DNAJC9: variants seen among roughly 807,000 people sequenced by gnomAD.
DNAJC9 encodes dnaJ homolog subfamily C member 9.
A neutral mutation model predicts 32.4 loss-of-function variants in DNAJC9; 18 were observed. That is an observed-to-expected ratio of 0.56 (90% CI 0.38 to 0.82). The LOEUF (loss-of-function observed/expected upper bound fraction) is 0.82. DNAJC9 is among the 40% of genes least tolerant of loss of function. The pLI, the probability that DNAJC9 is intolerant of heterozygous loss-of-function variation, is 0.00. For missense variants in DNAJC9, 310 were observed against 321.8 expected, an observed-to-expected ratio of 0.96 and a Z score of 0.28; for synonymous variants, 113 against 122.1, an observed-to-expected ratio of 0.93 and a Z score of 0.49.
chr10:73,243,172 G>A lies in DNAJC9; in HGVS notation c.*228C>T. The A allele has an allele frequency of 2.0e-6, 1 of 493,316 alleles. No individual in the cohort carries two copies. Among genetic ancestry groups the A allele is most frequent in the Non-Finnish European group, 3.6e-6 (1 of 276,158 alleles). 30.6% of individuals were successfully genotyped at this position (493,316 alleles called of 1,614,324 possible). On this transcript the variant is annotated 3_prime_UTR_variant, in exon 5 of 5. Coordinates refer to ENST00000372950, the MANE Select transcript of DNAJC9 (RefSeq NM_015190.5). ...ACTGCCTCCCTCCACCCTCCCAAAT[G>A]TCACCACCAAGTTCCTTCAGGTGAG...
In DNAJC9 at chr10:73,233,037, T is replaced by C. The variant is rs1408213654; in HGVS notation, n.147+10806A>G. 4 of 1,551,770 alleles carry C rather than the reference T, an allele frequency of 2.6e-6. No individual in the cohort carries two copies. The East Asian group carries it at 9.8e-5, about 38-fold the overall frequency. On this transcript the variant is annotated intron_variant and non_coding_transcript_variant, in intron 2 of 2. Transcript: ENST00000469143. ...GCTGTGGAGTTTAGTACATCATCTC[T>C]GTCATACACAGTGCAGTCCACCAGG...
chr10:73,234,976 C>T (rs185843840), downstream of DNAJC9: 395 of 1,548,122 alleles, frequency 2.6e-4, 1 homozygote, highest in East Asian at 4.4e-4. Flanking sequence ...CATGTACTTA[C>T]CATACAACCT....
At chr10:73,241,179 A>G (rs3763725), downstream of DNAJC9, 56,771 of 598,680 alleles carry the variant, frequency 0.095, 4,415 homozygotes, top group East Asian at 0.29. Flanking sequence ...ACACCATAGC[A>G]GCCAAAAATG....
At chr10:73,234,820 AG>A (rs1367697410), downstream of DNAJC9, 1 of 1,551,518 alleles carries the variant, frequency 6.4e-7, no homozygotes, top group South Asian at 1.2e-5. Flanking sequence ...TCTGCAGCCC[AG>A]TGGCACCCGA....
chr10:73,246,006 C>T lies in DNAJC9; in HGVS notation c.492G>A (p.Gln164=), dbSNP rs201411206. 6 of 1,613,672 alleles carry T rather than the reference C, an allele frequency of 3.7e-6. No individual in the cohort carries two copies. The South Asian group carries it at 6.6e-5, about 18-fold the overall frequency. The part of the protein sequence containing the change: ...TEEPRIRNII[Q]QAIDAGEVPS... ...GGACCTCTCCGGCGTCAATAGCTTG[C>T]TGAATGATATTCCTTATCCTGGGTT... is the stretch of plus-strand genomic sequence containing the variant. The change falls in exon 3 of 5, where the codon CAG becomes CAA. Residue 164 remains glutamine (Q), a synonymous_variant. Coordinates refer to ENST00000372950, the MANE Select transcript of DNAJC9 (RefSeq NM_015190.5).
At chr10:73,240,644 A>G (rs2043925606), downstream of DNAJC9, among the ~76,000 whole-genome samples, 3 of 151,718 alleles carry the variant, frequency 2.0e-5, no homozygotes, top group Non-Finnish European at 2.9e-5. Flanking sequence ...CCTGGGAGGC[A>G]GAGCTTGCAG....
At chr10:73,236,834 G>A (rs2043834452), downstream of DNAJC9, among the ~76,000 whole-genome samples, 1 of 151,254 alleles carries the variant, frequency 6.6e-6, no homozygotes, top group African/African-American at 2.4e-5. Flanking sequence ...TCTCACCTCA[G>A]CCTCCTGAGT....
In DNAJC9 at chr10:73,247,029, T is replaced by A; in HGVS notation, c.161A>T (p.Asp54Val). ...GCATACCTGGAAGCGGCGGGTGGCG[T>A]CCTCCTTGTCGCCCTCACCCACCCG... ...PDRVGEGDKE[D>V]ATRRFQILGK... Residue 54 changes from aspartate (D) to valine (V), a missense_variant, in exon 1 of 5, where the codon GAC becomes GTC. Physicochemically the swap from Asp to Val is radical, Grantham distance 152. Coordinates refer to ENST00000372950, the MANE Select transcript of DNAJC9 (RefSeq NM_015190.5). 6.6e-7 allele frequency: 1 copy of A among 1,523,928 alleles called. No individual in the cohort carries two copies. The highest frequency in any genetic ancestry group is 1.4e-5 in the African/African-American group (1 of 73,220). The allele number at this position is 1,523,928 out of a possible 1,614,324, so 94.4% of individuals were successfully genotyped here. A position where few individuals can be genotyped will look rare whatever the true frequency, so the allele number is the denominator to read the frequency against.
chr10:73,232,642 T>G (rs143949483), intron 2 of DNAJC9, among the ~76,000 whole-genome samples: 42 of 152,354 alleles, frequency 2.8e-4, no homozygotes, highest in African/African-American at 9.1e-4. Context: ...CAGGCTTGCC[T>G]TCACTGGTGA....
chr10:73,241,271 C>A, downstream of DNAJC9: 1 of 452,958 alleles, frequency 2.2e-6, no homozygotes, highest in Admixed American at 3.4e-5. Flanking sequence ...AGTTTGTACC[C>A]AAAGATGCAA....
chr10:73,245,056 G>T (rs2043991231), intron 3 of DNAJC9, among the ~76,000 whole-genome samples: 1 of 152,158 alleles, frequency 6.6e-6, no homozygotes, highest in African/African-American at 2.4e-5. Context: ...TAAGATAATT[G>T]TCAGCTTGAG....
downstream of DNAJC9, chr10:73,234,127 T>A (rs766600714): frequency 6.6e-6 from 1 of 152,226 alleles, no homozygotes; most frequent in Non-Finnish European, 1.5e-5. Context: ...CTCAAAGGTA[T>A]GAGATAATAA....
chr10:73,236,613 C>T (rs1057426249), downstream of DNAJC9, among the ~76,000 whole-genome samples: 1 of 151,766 alleles, frequency 6.6e-6, no homozygotes, highest in African/African-American at 2.4e-5. Flanking sequence ...GGGGTTTTGC[C>T]ATCTTGGCCA....
chr10:73,243,199 C>T lies in DNAJC9; in HGVS notation c.*201G>A, dbSNP rs2043973480. 1 of 571,884 alleles carries T rather than the reference C, an allele frequency of 1.7e-6. No individual in the cohort carries two copies. Among genetic ancestry groups the T allele is most frequent in the Non-Finnish European group, 3.0e-6 (1 of 329,016 alleles). The allele number at this position is 571,884 out of a possible 1,614,324, so 35.4% of individuals were successfully genotyped here. A position where few individuals can be genotyped will look rare whatever the true frequency, so the allele number is the denominator to read the frequency against. ...CACCACCAAGTTCCTTCAGGTGAGA[C>T]CTCACACAATGTCAAGTGCTTTCTA... is the stretch of plus-strand genomic sequence containing the variant. On this transcript the variant is annotated 3_prime_UTR_variant, in exon 5 of 5. Transcript: ENST00000372950.
chr10:73,237,930 C>T (rs935563921), downstream of DNAJC9, among the ~76,000 whole-genome samples: 2 of 151,934 alleles, frequency 1.3e-5, no homozygotes, highest in African/African-American at 2.4e-5. Flanking sequence ...TAAAACTGAA[C>T]AGATGAAAAT....
Position 73,243,297 on chromosome 10 carries a change from C to T in DNAJC9, c.*103G>A, listed in dbSNP as rs1231872874. The stretch of plus-strand genomic sequence containing the variant: ...TGAAAAATTCAGGCTGGAAAGACAC[C>T]TTTTCTCAAGAGCTGAATTGACTTT... On this transcript the variant is annotated 3_prime_UTR_variant, in exon 5 of 5. Coordinates refer to ENST00000372950, the MANE Select transcript of DNAJC9 (RefSeq NM_015190.5). The T allele has an allele frequency of 2.9e-6, 4 of 1,363,130 alleles. No individual in the cohort carries two copies. Among genetic ancestry groups the T allele is most frequent in the Admixed American group, 2.0e-5 (1 of 50,376 alleles). 84.4% of individuals were successfully genotyped at this position (1,363,130 alleles called of 1,614,324 possible). A position where few individuals can be genotyped will look rare whatever the true frequency, so the allele number is the denominator to read the frequency against.
At chr10:73,240,959 T>C, downstream of DNAJC9, 2 of 1,541,086 alleles carry the variant, frequency 1.3e-6, no homozygotes, top group East Asian at 2.5e-5. Context: ...CTCAGTTACA[T>C]GGGTCTACAA....
chr10:73,246,833 G>C lies in DNAJC9; in HGVS notation c.181-5C>G. 1 of 1,613,924 alleles carries C rather than the reference G, an allele frequency of 6.2e-7. No individual in the cohort carries two copies. The highest frequency in any genetic ancestry group is 8.5e-7 in the Non-Finnish European group (1 of 1,180,034). ...GGAATAGACTTTTCCCAGGATCTGAGGGCAAAGAGTATCCGTAAATCACCC... is the reference window on the plus strand; with the variant it reads ...GGAATAGACTTTTCCCAGGATCTGACGGCAAAGAGTATCCGTAAATCACCC... On this transcript the variant is annotated splice_polypyrimidine_tract_variant and splice_region_variant and intron_variant, in intron 1 of 4. Transcript: ENST00000372950.
At chr10:73,243,680 T>G in intron 4 of DNAJC9, 161 bp from the exon 5 acceptor site, 2 of 1,162,570 alleles carry the variant, frequency 1.7e-6, no homozygotes, top group Non-Finnish European at 2.4e-6. Flanking sequence ...ATTGTAAAAC[T>G]TTGTAAATAC....
Sources: gnomAD v4.1 joint callset for allele counts (sites outside exome capture counted in the v4.1 genomes callset) on GRCh38, gnomAD v4.1.1 for gene constraint, MANE v1.5 for transcripts, NCBI Gene and HGNC (gene_info 2026-07-23, HGNC 2026-07-21) for gene names.